ARHGAP22: variants seen among roughly 807,000 people sequenced by gnomAD.
The protein encoded by ARHGAP22 is rho GTPase-activating protein 22.
A neutral mutation model predicts 59.1 loss-of-function variants in ARHGAP22; 48 were observed. The observed-to-expected ratio is 0.81, with a 90% CI of 0.64 to 1.03. ARHGAP22 has a LOEUF of 1.03. ARHGAP22 is among the 50% of genes least tolerant of loss of function. ARHGAP22 has a pLI of 0.00. For missense variants in ARHGAP22, 1,015 were observed against 958.7 expected (o/e 1.06, Z -0.78); for synonymous variants, 445 against 416.4 (o/e 1.07, Z -0.84).
chr10:48,554,197 T>G (rs1431678379), intron 3 of ARHGAP22, among the ~76,000 whole-genome samples: 1 of 152,208 alleles, frequency 6.6e-6, no homozygotes, highest in African/African-American at 2.4e-5. Context: ...TTTCTGCACT[T>G]CAACTTTTGC....
chr10:48,500,886 G>A (rs1473959668), intron 3 of ARHGAP22, among the ~76,000 whole-genome samples: 13 of 123,094 alleles, frequency 1.1e-4, no homozygotes, highest in Admixed American at 3.1e-4. Context: ...GTGAGACTCC[G>A]CCTCAAAAAA....
intron 1 of ARHGAP22, among the ~76,000 whole-genome samples, chr10:48,649,152 G>C (rs4562728): frequency 0.6 from 91,964 of 152,048 alleles, 28,219 homozygotes; most frequent in African/African-American, 0.69. Flanking sequence ...CCAAGTTTCT[G>C]AATATGGCAT....
At chr10:48,605,574 T>G (rs1237812419), upstream of ARHGAP22, among the ~76,000 whole-genome samples, 2 of 152,152 alleles carry the variant, frequency 1.3e-5, no homozygotes, top group East Asian at 3.9e-4. Flanking sequence ...AATTGAATAG[T>G]GAATCTCTGC....
chr10:48,489,682 G>A lies in ARHGAP22; in HGVS notation c.323-9918C>T, dbSNP rs915765790. Among the ~76,000 whole-genome samples, 3 of 150,464 alleles carry A rather than the reference G, an allele frequency of 2.0e-5. No individual in the cohort carries two copies. In the East Asian group the frequency reaches 5.8e-4, roughly 29 times the overall value. On this transcript the variant is annotated intron_variant, in intron 3 of 9. Coordinates refer to ENST00000249601, the MANE Select transcript of ARHGAP22 (RefSeq NM_021226.4). ...TTTTTTAATTGTCTGTGTGGCCACT[G>A]TGTTTCCACCCCATCCCATTACACA...
intron 1 of ARHGAP22, among the ~76,000 whole-genome samples, chr10:48,622,028 T>C (rs2061303118): frequency 6.6e-6 from 1 of 152,184 alleles, no homozygotes; most frequent in South Asian, 2.1e-4. Context: ...CCTATTTGTG[T>C]CTTTGAATCT....
intron 1 of ARHGAP22, among the ~76,000 whole-genome samples, chr10:48,643,323 A>G (rs1036847481): frequency 2.0e-5 from 3 of 152,152 alleles, no homozygotes; most frequent in African/African-American, 7.2e-5. Flanking sequence ...TTGCGGCACT[A>G]TTCACAATAG....
chr10:48,524,876 A>G (rs1431290820), intron 3 of ARHGAP22, among the ~76,000 whole-genome samples: 1 of 152,172 alleles, frequency 6.6e-6, no homozygotes, highest in Admixed American at 6.5e-5. Flanking sequence ...AGTTATTCAA[A>G]CTCTCTCTGT....
At chr10:48,455,191 G>T in intron 5 of ARHGAP22, 57 bp from the exon 6 acceptor site, 7 of 1,546,190 alleles carry the variant, frequency 4.5e-6, no homozygotes, top group Non-Finnish European at 8.8e-7. Flanking sequence ...GACTTCAGGG[G>T]TGACTGGTAC....
chr10:48,543,424 C>G (rs1233326764), intron 3 of ARHGAP22, among the ~76,000 whole-genome samples: 7 of 152,150 alleles, frequency 4.6e-5, no homozygotes, highest in Non-Finnish European at 8.8e-5. Flanking sequence ...GGGTGGCTCA[C>G]CCACTCTGCT....
At chr10:48,587,394 T>C (rs1226324282) in intron 1 of ARHGAP22, among the ~76,000 whole-genome samples, 1 of 152,228 alleles carries the variant, frequency 6.6e-6, no homozygotes, top group African/African-American at 2.4e-5. Context: ...CTGAGTTTTC[T>C]TATCTGGGTC....
chr10:48,589,817 G>T (rs3851551), intron 1 of ARHGAP22, among the ~76,000 whole-genome samples: 5 of 152,072 alleles, frequency 3.3e-5, no homozygotes, highest in East Asian at 3.9e-4. Context: ...AGCTACTAAG[G>T]GAGCTACACA....
At chr10:48,454,230 G>A (rs2133668986) in intron 6 of ARHGAP22, 69 bp from the exon 7 acceptor site, 1 of 1,412,012 alleles carries the variant, frequency 7.1e-7, no homozygotes, top group Non-Finnish European at 1.0e-6. Context: ...ACTGCGAGGA[G>A]GGGTGGGCAA....
At chr10:48,504,197 T>C (rs554411399) in intron 3 of ARHGAP22, among the ~76,000 whole-genome samples, 3 of 152,290 alleles carry the variant, frequency 2.0e-5, no homozygotes, top group Admixed American at 1.3e-4. Flanking sequence ...AAGGATCCCC[T>C]GGCTCCAGTC....
At chr10:48,519,461 G>A (rs1275013831) in intron 3 of ARHGAP22, among the ~76,000 whole-genome samples, 1 of 152,228 alleles carries the variant, frequency 6.6e-6, no homozygotes, top group African/African-American at 2.4e-5. Flanking sequence ...CTGCCACTGG[G>A]ATCTGCTGGG....
At chr10:48,656,202 G>A (rs1298615563), upstream of ARHGAP22, 3 of 151,050 alleles carry the variant, frequency 2.0e-5, no homozygotes. Flanking sequence ...AGCAGGGCCG[G>A]GGGGATGCAG....
intron 4 of ARHGAP22, among the ~76,000 whole-genome samples, chr10:48,472,571 T>G (rs899430707): frequency 2.6e-5 from 4 of 152,068 alleles, no homozygotes; most frequent in Admixed American, 2.6e-4. Context: ...AAATAACAGC[T>G]AGAGTACTAA....
chr10:48,594,950 C>T (rs2059979697), intron 1 of ARHGAP22, among the ~76,000 whole-genome samples: 1 of 142,610 alleles, frequency 7.0e-6, no homozygotes, highest in South Asian at 2.4e-4. Flanking sequence ...GAATCCTTAT[C>T]TCAGGGTCTG....
intron 3 of ARHGAP22, among the ~76,000 whole-genome samples, chr10:48,498,654 C>T (rs1275344406): frequency 1.3e-5 from 2 of 152,162 alleles, no homozygotes; most frequent in Non-Finnish European, 2.9e-5. Context: ...TTCTAGCTGG[C>T]GTAAGAAGGG....
At chr10:48,531,124 A>G (rs1243776479) in intron 3 of ARHGAP22, among the ~76,000 whole-genome samples, 1 of 152,246 alleles carries the variant, frequency 6.6e-6, no homozygotes. Context: ...ATTTGCAGCA[A>G]CTTAGATGGG....
Sources: allele counts gnomAD v4.1 joint callset (sites outside exome capture counted in the v4.1 genomes callset), GRCh38; gene constraint gnomAD v4.1.1; transcripts MANE v1.5; gene names NCBI Gene and HGNC (gene_info 2026-07-23, HGNC 2026-07-21).